Variants in CDON observed in about 807,000 individuals in gnomAD.
CDON encodes the protein cell adhesion associated, oncogene regulated, also known as cell adhesion molecule-related/down-regulated by oncogenes.
A neutral mutation model predicts 120.9 loss-of-function variants in CDON; 73 were observed. The observed-to-expected ratio is 0.60, with a 90% confidence interval of 0.50 to 0.73. The LOEUF (loss-of-function observed/expected upper bound fraction) is 0.73, where lower values mean the gene tolerates loss of function less well. Among genes scored for constraint, CDON ranks in the 30% least tolerant of loss-of-function variants. The pLI is 0.00. For missense variants in CDON, 1,470 were observed against 1,587.3 expected, an observed-to-expected ratio of 0.93 and a Z score of 1.26; for synonymous variants, 566 against 573.5, an observed-to-expected ratio of 0.99 and a Z score of 0.19.
intron 1 of CDON, among the ~76,000 whole-genome samples, chr11:126,051,607 A>G (rs1948559227): frequency 6.6e-6 from 1 of 152,020 alleles, no homozygotes; most frequent in East Asian, 1.9e-4. Context: ...AACAAATGCG[A>G]AATTATTGTA....
At chr11:126,046,258 TA>T (rs1323154536) in intron 1 of CDON, among the ~76,000 whole-genome samples, 1 of 152,172 alleles carries the variant, frequency 6.6e-6, no homozygotes, top group Non-Finnish European at 1.5e-5. Flanking sequence ...TGAAGACCAT[TA>T]CCCTCATAAA....
chr11:126,022,747 A>G (rs571227324), intron 2 of CDON, among the ~76,000 whole-genome samples: 1 of 152,356 alleles, frequency 6.6e-6, no homozygotes, highest in South Asian at 2.1e-4. Flanking sequence ...TAATACAGCT[A>G]TATAGTACTT....
intron 2 of CDON, 134 bp downstream of exon 2, chr11:126,023,267 T>C: frequency 1.3e-6 from 1 of 785,928 alleles, no homozygotes; most frequent in East Asian, 2.4e-5. Flanking sequence ...TTTTAAATCA[T>C]GTAGTTGGTC....
At chr11:126,028,961 G>C (rs905073856) in intron 1 of CDON, among the ~76,000 whole-genome samples, 1 of 151,918 alleles carries the variant, frequency 6.6e-6, no homozygotes, top group South Asian at 2.1e-4. Flanking sequence ...TATTGGATCA[G>C]GGAGTGCAAA....
intron 9 of CDON, chr11:126,004,450 T>C: frequency 3.8e-6 from 1 of 264,244 alleles, no homozygotes; most frequent in Non-Finnish European, 7.4e-6. Flanking sequence ...AATTATATAA[T>C]ACACATAATA....
intron 1 of CDON, among the ~76,000 whole-genome samples, chr11:126,046,924 T>C (rs574547497): frequency 1.1e-4 from 16 of 152,176 alleles, no homozygotes; most frequent in Admixed American, 4.6e-4. Context: ...TCCAAACACA[T>C]GTAAGCCCAA....
chr11:126,037,105 CT>C (rs35577601), intron 1 of CDON, among the ~76,000 whole-genome samples: 55,450 of 147,846 alleles, frequency 0.38, 10,688 homozygotes, highest in Middle Eastern at 0.57. Context: ...CATTTTCTTT[CT>C]TTTTTTTTTT....
intron 2 of CDON, among the ~76,000 whole-genome samples, chr11:126,022,697 A>G (rs1444913850): frequency 6.6e-6 from 1 of 152,252 alleles, no homozygotes; most frequent in Non-Finnish European, 1.5e-5. Flanking sequence ...TTAGCAAAAC[A>G]AAAGTAAAAC....
rs769298919 is a variant in CDON, at chr11:125,995,018, G to A, written c.2397C>T (p.Asn799=). 6.2e-7 allele frequency: 1 copy of A among 1,614,142 alleles called. No homozygotes were observed. Among genetic ancestry groups the A allele is most frequent in the African/African-American group, 1.3e-5 (1 of 75,054 alleles). Residue 799 remains asparagine, a synonymous_variant, in exon 13 of 20, where the codon AAC becomes AAT. Coordinates refer to ENST00000531738, the MANE Select transcript of CDON (RefSeq NM_001378964.1). The part of the protein sequence containing the change: ...STYKFRVIAI[N]HYGESFRSSA... ...AACTCCGAAAACTCTCACCATAATG[G>A]TTGATGGCAATGACCCTAAATTTGT...
intron 9 of CDON, chr11:126,005,433 G>T: frequency 3.4e-6 from 1 of 290,946 alleles, no homozygotes; most frequent in Non-Finnish European, 6.5e-6. Flanking sequence ...TACATAAATG[G>T]TATTCTACTA....
intron 15 of CDON, among the ~76,000 whole-genome samples, chr11:125,987,235 A>T (rs1228433695): frequency 1.3e-5 from 2 of 152,212 alleles, no homozygotes; most frequent in East Asian, 3.8e-4. Context: ...TAACACTGAT[A>T]GGAAGAGACA....
rs749127326 is a variant in CDON at position 126,015,230 on chromosome 11, T to C, written c.1198+11A>G. 1.2e-6 allele frequency: 2 copies of C among 1,613,722 alleles called. No homozygotes were observed. The highest frequency in any genetic ancestry group is 2.2e-5 in the South Asian group (2 of 91,070). On this transcript the variant is annotated intron_variant, in intron 7 of 19. Transcript: ENST00000531738. ...AAAAGTTCTTATGACTGGCACGACCTAAAAGCCTACCATTTTCAATTTCAA... is the reference window on the plus strand; with the variant it reads ...AAAAGTTCTTATGACTGGCACGACCCAAAAGCCTACCATTTTCAATTTCAA...
chr11:126,028,031 A>G (rs1031215761), intron 1 of CDON, among the ~76,000 whole-genome samples: 17 of 126,500 alleles, frequency 1.3e-4, no homozygotes, highest in Admixed American at 1.1e-3. Flanking sequence ...AAAGCACTCT[A>G]TGTTGTCAAC....
Position 125,978,312 on chromosome 11 carries a change from G to T in CDON, c.3348C>A (p.Asn1116Lys). 1 of 1,593,476 alleles carries T rather than the reference G, an allele frequency of 6.3e-7. No homozygotes were observed. Residue 1116 changes from asparagine to lysine, a missense_variant, in exon 18 of 20, where the codon AAC (asparagine) becomes AAA (lysine). Asn to Lys is a moderately conservative substitution (Grantham distance 94). Coordinates refer to ENST00000531738, the MANE Select transcript of CDON (RefSeq NM_001378964.1). ...ACACATTATTAACATACCTATTGTT[G>T]TTTCGACAATTTCGGCAGTTAACAC... Reference protein sequence around the residue: ...LECVNCRNCRNNNRCFTKTNS... With the variant: ...LECVNCRNCRKNNRCFTKTNS...
chr11:126,061,703 GTTTTTCAAGGTGTC>G (rs1948800927), intron 1 of CDON, among the ~76,000 whole-genome samples: 1 of 152,206 alleles, frequency 6.6e-6, no homozygotes, highest in Non-Finnish European at 1.5e-5. Context: ...CCAACCTCCT[GTTTTTCAAGGTGTC>G]TGGTTTGGGA....
chr11:126,003,203 G>A (rs894620679), intron 10 of CDON, among the ~76,000 whole-genome samples: 9 of 152,248 alleles, frequency 5.9e-5, no homozygotes, highest in Non-Finnish European at 1.3e-4. Flanking sequence ...CACAAGTTTT[G>A]TCTGTTTTGC....
At chr11:125,999,740 T>C (rs980207172) in intron 11 of CDON, among the ~76,000 whole-genome samples, 2 of 152,160 alleles carry the variant, frequency 1.3e-5, no homozygotes, top group Non-Finnish European at 2.9e-5. Context: ...CCATCCACAC[T>C]GTCACTCCCC....
At chr11:126,048,282 C>CAAA (rs1239820423) in intron 1 of CDON, among the ~76,000 whole-genome samples, 20 of 119,522 alleles carry the variant, frequency 1.7e-4, no homozygotes, top group Non-Finnish European at 1.9e-4. Context: ...GACTCTGTCT[C>CAAA]AAAAAAAAAA....
At chr11:125,983,537 C>T (rs937002389) in intron 16 of CDON, among the ~76,000 whole-genome samples, 1 of 152,186 alleles carries the variant, frequency 6.6e-6, no homozygotes, top group Non-Finnish European at 1.5e-5. Context: ...TAAAGGTGTT[C>T]CTACAGCAAT....
Sources: gnomAD v4.1 joint callset for allele counts (sites outside exome capture counted in the v4.1 genomes callset) on GRCh38, gnomAD v4.1.1 for gene constraint, MANE v1.5 for transcripts, NCBI Gene and HGNC (gene_info 2026-07-23, HGNC 2026-07-21) for gene names.